Variants in RGSL1 observed in about 807,000 individuals in gnomAD.
The protein encoded by RGSL1 is regulator of G protein signaling protein-like.
Under a neutral mutation model 124.7 loss-of-function variants are expected in RGSL1, and 97 were observed. That is an observed-to-expected ratio of 0.78 (90% CI 0.66 to 0.92). The LOEUF is 0.92. Among genes scored for constraint, RGSL1 ranks in the 40% least tolerant of loss-of-function variants. RGSL1 has a pLI of 0.00. For missense variants in RGSL1, 1,233 were observed against 1,288.4 expected (o/e 0.96, Z 0.66); for synonymous variants, 424 against 438.1 (o/e 0.97, Z 0.40).
Position 182,557,985 on chromosome 1 carries a change from A to G in RGSL1, c.*165+1763A>G, listed in dbSNP as rs58584519. On this transcript the variant is annotated intron_variant, in intron 21 of 21. Transcript: ENST00000294854. Reference sequence around the variant, plus strand: ...GTGGTGAACTGGAGAACGTGTCCCAAAGGGGTCAGAGACAGTCCGCTCAAG... The same window carrying G: ...GTGGTGAACTGGAGAACGTGTCCCAGAGGGGTCAGAGACAGTCCGCTCAAG... Among the ~76,000 whole-genome samples, 247 of 152,246 alleles carry G rather than the reference A, an allele frequency of 1.6e-3. 5 individuals carry two copies. Among genetic ancestry groups the G allele is most frequent in the African/African-American group, 5.4e-3 (226 of 41,536 alleles).
chr1:182,503,677 G>A (rs1045513820), intron 9 of RGSL1, among the ~76,000 whole-genome samples: 2 of 151,870 alleles, frequency 1.3e-5, no homozygotes, highest in Non-Finnish European at 2.9e-5. Flanking sequence ...AAAGAATAAA[G>A]CCTAGTATTT....
chr1:182,486,842 AT>A (rs1655136720), intron 6 of RGSL1, among the ~76,000 whole-genome samples: 1 of 151,818 alleles, frequency 6.6e-6, no homozygotes, highest in African/African-American at 2.4e-5. Context: ...TGACAAGCTA[AT>A]TTTGTATCTT....
At chr1:182,537,193 A>C (rs756305545) in intron 14 of RGSL1, among the ~76,000 whole-genome samples, 2 of 152,206 alleles carry the variant, frequency 1.3e-5, no homozygotes, top group African/African-American at 2.4e-5. Context: ...CACCACAAAT[A>C]GAAAATTTCA....
intron 6 of RGSL1, among the ~76,000 whole-genome samples, chr1:182,484,007 G>A (rs577313948): frequency 1.5e-4 from 23 of 152,222 alleles, no homozygotes; most frequent in South Asian, 4.1e-4. Flanking sequence ...ATGAGGCACC[G>A]TGTAGTGGTG....
chr1:182,551,085 C>A lies in RGSL1; in HGVS notation c.2934-15C>A. On this transcript the variant is annotated splice_polypyrimidine_tract_variant and intron_variant, in intron 17 of 21. Transcript: ENST00000294854. Reference sequence around the variant, plus strand: ...GGGGGTTCCCTCCTATGACCAGAAGCCATTCTTCCCACAGGTTTTGTTTCT... The same window carrying A: ...GGGGGTTCCCTCCTATGACCAGAAGACATTCTTCCCACAGGTTTTGTTTCT... 2.0e-6 allele frequency: 3 copies of A among 1,536,656 alleles called. No individual in the cohort carries two copies. The highest frequency in any genetic ancestry group is 2.6e-6 in the Non-Finnish European group (3 of 1,133,370).
At chr1:182,463,799 A>C (rs1653048413) in intron 4 of RGSL1, among the ~76,000 whole-genome samples, 1 of 152,212 alleles carries the variant, frequency 6.6e-6, no homozygotes, top group Non-Finnish European at 1.5e-5. Context: ...TTAATAATGA[A>C]TAGAATAGTA....
At chr1:182,530,159 AT>A in intron 11 of RGSL1, 84 bp from the exon 12 acceptor site, 2 of 974,528 alleles carry the variant, frequency 2.1e-6, no homozygotes, top group East Asian at 5.3e-5. Flanking sequence ...AGACTCTAAG[AT>A]AAAAAAAAAA....
intron 2 of RGSL1, 23 bp downstream of exon 2, chr1:182,454,063 A>T: frequency 7.3e-7 from 1 of 1,376,028 alleles, no homozygotes; most frequent in African/African-American, 1.4e-5. Flanking sequence ...AGATTTAAAT[A>T]CAAATATTTC....
In RGSL1 at chr1:182,522,106, C is replaced by T. The variant is rs1225072354; in HGVS notation, c.1928C>T (p.Pro643Leu). Residue 643 changes from proline to leucine, a missense_variant, in exon 10 of 22, where the codon CCC (proline) becomes CTC (leucine). Pro to Leu is a moderately conservative substitution (Grantham distance 98, BLOSUM62 -3). Transcript: ENST00000294854. The part of the protein sequence containing the change: ...RTLVRKPSMR[P>L]RNLTEVLLNT... ...CTTGTAAGGAAGCCATCAATGAGAC[C>T]CAGGTGAGATATAGAATCTGTTTAC... The T allele has an allele frequency of 3.2e-6, 5 of 1,544,084 alleles. No individual in the cohort carries two copies. Among genetic ancestry groups the T allele is most frequent in the African/African-American group, 1.4e-5 (1 of 72,628 alleles).
At position 182,506,809 on chromosome 1, in the gene RGSL1, T is replaced by A. The variant is rs372383412; in HGVS notation, c.1825+13680T>A. Among the ~76,000 whole-genome samples, 6 of 152,236 alleles carry A rather than the reference T, an allele frequency of 3.9e-5. No individual in the cohort carries two copies. The East Asian group carries it at 1.2e-3, about 29-fold the overall frequency. The stretch of plus-strand genomic sequence containing the variant: ...CATAGTTTCAGGGTACATGTGACAA[T>A]TAAACACATTCACATAATTTGTAAA... On this transcript the variant is annotated intron_variant, in intron 9 of 21. Coordinates refer to ENST00000294854, the MANE Select transcript of RGSL1 (RefSeq NM_001137669.2).
intron 18 of RGSL1, among the ~76,000 whole-genome samples, chr1:182,551,804 T>C (rs968337764): frequency 6.6e-6 from 1 of 152,208 alleles, no homozygotes; most frequent in Non-Finnish European, 1.5e-5. Context: ...TAATAAACCA[T>C]ATATACAATG....
At chr1:182,518,415 C>T (rs1658062271) in intron 9 of RGSL1, among the ~76,000 whole-genome samples, 2 of 152,128 alleles carry the variant, frequency 1.3e-5, no homozygotes, top group Non-Finnish European at 2.9e-5. Context: ...GCCTATGGGA[C>T]CTGTGGGACA....
intron 9 of RGSL1, among the ~76,000 whole-genome samples, chr1:182,496,620 T>C (rs1303182451): frequency 1.3e-5 from 2 of 152,214 alleles, no homozygotes; most frequent in Non-Finnish European, 2.9e-5. Flanking sequence ...AGATCTGTTG[T>C]GTTGTATGGC....
chr1:182,513,996 C>A (rs1327946909), intron 9 of RGSL1, among the ~76,000 whole-genome samples: 1 of 150,988 alleles, frequency 6.6e-6, no homozygotes, highest in Non-Finnish European at 1.5e-5. Context: ...TGGGTTCAAG[C>A]GAGTCTCCTG....
chr1:182,456,590 G>A (rs934566406), intron 2 of RGSL1, among the ~76,000 whole-genome samples: 1 of 151,986 alleles, frequency 6.6e-6, no homozygotes, highest in Non-Finnish European at 1.5e-5. Flanking sequence ...AAGCCTCCAC[G>A]CCTGGCCGAG....
intron 9 of RGSL1, among the ~76,000 whole-genome samples, chr1:182,515,683 C>T (rs1419308882): frequency 6.6e-6 from 1 of 152,180 alleles, no homozygotes; most frequent in Non-Finnish European, 1.5e-5. Flanking sequence ...ATGGCTCCGC[C>T]GGCACGGCAA....
rs1454442883 is a variant in RGSL1 at position 182,553,461 on chromosome 1, A to G, written c.3050A>G (p.Asn1017Ser). ...DKYPFSSGGD[N>S]AILRFTLLRG... ...TGTTTTTGTCCTTCCCCAGGAGACA[A>G]TGCCATCTTAAGGTTCACCTTGCTC... Residue 1017 changes from asparagine (N) to serine (S), a missense_variant, in exon 19 of 22, where the codon AAT (asparagine) becomes AGT (serine). Coordinates refer to ENST00000294854, the MANE Select transcript of RGSL1 (RefSeq NM_001137669.2). 2.6e-6 allele frequency: 4 copies of G among 1,551,666 alleles called. No homozygotes were observed. Among genetic ancestry groups the G allele is most frequent in the Non-Finnish European group, 3.5e-6 (4 of 1,146,942 alleles).
chr1:182,489,308 G>A, intron 8 of RGSL1, 106 bp downstream of exon 8: 2 of 1,010,562 alleles, frequency 2.0e-6, no homozygotes, highest in South Asian at 3.3e-5. Context: ...ATGCAGTGCA[G>A]GGATTACCTA....
rs1240567424 is a variant in RGSL1, at chr1:182,503,982, T to C, written c.1825+10853T>C. Reference sequence around the variant, plus strand: ...GGTCCCTTTTGTAATTTCTTTTTTTTTTTTTTTTTTTTTTTTGAGACAGAG... The same window carrying C: ...GGTCCCTTTTGTAATTTCTTTTTTTCTTTTTTTTTTTTTTTTGAGACAGAG... On this transcript the variant is annotated intron_variant, in intron 9 of 21. Transcript: ENST00000294854. 5.6e-5 allele frequency among the ~76,000 whole-genome samples: 8 copies of C among 143,316 alleles called. 1 individual carries two copies. Among genetic ancestry groups the C allele is most frequent in the Non-Finnish European group, 7.6e-5 (5 of 65,520 alleles). 94.0% of individuals were successfully genotyped at this position (143,316 alleles called of 152,430 possible). A position where few individuals can be genotyped will look rare whatever the true frequency, so the allele number is the denominator to read the frequency against.
Sources: gnomAD v4.1 joint callset for allele counts (sites outside exome capture counted in the v4.1 genomes callset) on GRCh38, gnomAD v4.1.1 for gene constraint, MANE v1.5 for transcripts, NCBI Gene and HGNC (gene_info 2026-07-23, HGNC 2026-07-21) for gene names.